CPZ: variants seen among roughly 807,000 people sequenced by gnomAD.
CPZ encodes the protein carboxypeptidase Z.
CPZ carries 103 observed loss-of-function variants against 61.8 expected under a neutral mutation model. That is an observed-to-expected ratio of 1.67 (90% CI 1.42 to 1.96). The LOEUF (loss-of-function observed/expected upper bound fraction) is 1.96. Ranked by LOEUF, CPZ falls within the 30% of genes most tolerant of loss-of-function variation. CPZ has a pLI of 0.00. For synonymous variants in CPZ, 551 were observed against 373.7 expected (o/e 1.47, Z -5.47); for missense variants, 1,461 against 914.9 (o/e 1.60, Z -7.70).
At chr4:8,608,815 C>G (rs911969726) in intron 7 of CPZ, among the ~76,000 whole-genome samples, 1 of 152,152 alleles carries the variant, frequency 6.6e-6, no homozygotes, top group Non-Finnish European at 1.5e-5. Context: ...GCACAGGCCA[C>G]CTGGTGCAGA....
chr4:8,606,675 T>G (rs948170704), intron 5 of CPZ, 62 bp from the exon 6 acceptor site: 19 of 1,601,092 alleles, frequency 1.2e-5, no homozygotes, highest in African/African-American at 1.3e-5. Context: ...GTGAGACCCA[T>G]CTGGAAGGAG....
intron 6 of CPZ, 93 bp from the exon 7 acceptor site, chr4:8,607,174 C>T (rs1715105912): frequency 3.5e-6 from 5 of 1,428,986 alleles, no homozygotes; most frequent in African/African-American, 1.4e-5. Context: ...TAGTCTGCAC[C>T]ATTGGAGCCC....
At chr4:8,616,015 T>C (rs1307637820) in intron 9 of CPZ, among the ~76,000 whole-genome samples, 1 of 152,212 alleles carries the variant, frequency 6.6e-6, no homozygotes, top group African/African-American at 2.4e-5. Flanking sequence ...ATTTTGCGGC[T>C]GTCTGATGAA....
rs774551989 is a variant in CPZ at position 8,607,254 on chromosome 4, C to T, written c.1069-13C>T. The T allele has an allele frequency of 6.2e-7, 1 of 1,613,056 alleles. No individual in the cohort carries two copies. The highest frequency in any genetic ancestry group is 8.5e-7 in the Non-Finnish European group (1 of 1,179,280). Reference sequence around the variant, plus strand: ...AGCCCAGCCCTGAGGGCGGCCTCGTCTGTCCTGGGCAGGTGGCCCCGGAGA... The same window carrying T: ...AGCCCAGCCCTGAGGGCGGCCTCGTTTGTCCTGGGCAGGTGGCCCCGGAGA... On this transcript the variant is annotated splice_polypyrimidine_tract_variant and intron_variant, in intron 6 of 10. Coordinates refer to ENST00000360986, the MANE Select transcript of CPZ (RefSeq NM_001014447.3).
chr4:8,619,492 G>T lies in CPZ; in HGVS notation c.1834G>T (p.Glu612Ter), dbSNP rs773113975. The T allele has an allele frequency of 7.5e-6, 12 of 1,607,522 alleles. No individual in the cohort carries two copies. The highest frequency in any genetic ancestry group is 1.3e-5 in the African/African-American group (1 of 74,774). The change falls in exon 11 of 11, where the codon GAG becomes TAG. Residue 612 changes from glutamate to a stop codon, truncating the protein, a stop_gained. Transcript: ENST00000360986. LOFTEE classifies it low-confidence loss of function (END_TRUNC). ...ACTGGGAGGTGCCAGCTCTTTGGGG[G>T]AGGCCACGGAGCCCGACCCGCTCCG... is the stretch of plus-strand genomic sequence containing the variant. ...DPLGGASSLGEATEPDPLRAR... is the reference protein window; with the variant it reads ...DPLGGASSLG
intron 9 of CPZ, among the ~76,000 whole-genome samples, chr4:8,616,524 G>A (rs928611498): frequency 6.6e-6 from 1 of 152,204 alleles, no homozygotes; most frequent in Non-Finnish European, 1.5e-5. Context: ...TGGGGCCCTG[G>A]GGTAGGCCCC....
At chr4:8,593,888 T>C (rs1334741473) in intron 1 of CPZ, among the ~76,000 whole-genome samples, 1 of 152,196 alleles carries the variant, frequency 6.6e-6, no homozygotes, top group Non-Finnish European at 1.5e-5. Context: ...CCGCTGCGTG[T>C]GTGCTCATGC....
chr4:8,619,178 C>T (rs1237988131), intron 10 of CPZ, 84 bp from the exon 11 acceptor site: 2 of 1,241,174 alleles, frequency 1.6e-6, no homozygotes, highest in East Asian at 5.1e-5. Flanking sequence ...ATGCTAACCT[C>T]TCCCCACTCA....
intron 6 of CPZ, among the ~76,000 whole-genome samples, 172 bp from the exon 7 acceptor site, chr4:8,607,095 C>T (rs1338867061): frequency 1.3e-5 from 2 of 152,188 alleles, no homozygotes; most frequent in Non-Finnish European, 2.9e-5. Flanking sequence ...GTTGGAAACG[C>T]CTAGATCCCC....
rs1253776954 is a variant in CPZ at position 8,612,174 on chromosome 4, G to C, written c.1363+12G>C. ...CAGCTTCACGGGAGGTGCGGCTTCC[G>C]CAGGGCGGGACTGGGCGGGGGGTGG... On this transcript the variant is annotated intron_variant, in intron 8 of 10. Transcript: ENST00000360986. The C allele has an allele frequency of 7.7e-7, 1 of 1,292,646 alleles. No individual in the cohort carries two copies. The highest frequency in any genetic ancestry group is 1.0e-6 in the Non-Finnish European group (1 of 977,132). The allele number at this position is 1,292,646 out of a possible 1,614,324, so 80.1% of individuals were successfully genotyped here. A position where few individuals can be genotyped will look rare whatever the true frequency, so the allele number is the denominator to read the frequency against.
chr4:8,609,241 T>TTCATTG (rs1560298293), intron 7 of CPZ, among the ~76,000 whole-genome samples: 7 of 48,018 alleles, frequency 1.5e-4, no homozygotes, highest in Non-Finnish European at 2.0e-4. Flanking sequence ...TTGTCACTCA[T>TTCATTG]TCACTCATCA....
intron 8 of CPZ, among the ~76,000 whole-genome samples, chr4:8,613,031 T>G (rs1171759005): frequency 6.6e-6 from 1 of 152,084 alleles, no homozygotes; most frequent in Non-Finnish European, 1.5e-5. Flanking sequence ...CTCTCTCCCT[T>G]CCAGAACCCA....
chr4:8,594,080 C>T (rs2109308245), intron 1 of CPZ, among the ~76,000 whole-genome samples: 1 of 152,362 alleles, frequency 6.6e-6, no homozygotes, highest in South Asian at 2.1e-4. Context: ...CCTCTGCACG[C>T]AGGCAGCACA....
rs766742485 is a variant in CPZ, at chr4:8,606,042, C to T, written c.763C>T (p.Arg255Trp). 5.8e-5 allele frequency: 93 copies of T among 1,614,016 alleles called. No homozygotes were observed. In the East Asian group the frequency reaches 7.4e-4, roughly 13 times the overall value. The change falls in exon 5 of 11, where the codon CGG becomes TGG. Residue 255 changes from arginine to tryptophan, a missense_variant. Arg to Trp is a moderately radical substitution (Grantham distance 101). Coordinates refer to ENST00000360986, the MANE Select transcript of CPZ (RefSeq NM_001014447.3). ...CATTCATGGCAACGAGGTGGCGGGC[C>T]GGGAGATGCTCATCTACCTAGCCCA... The part of the protein sequence containing the change: ...GNIHGNEVAG[R>W]EMLIYLAQYL...
chr4:8,619,482 C>T lies in CPZ; in HGVS notation c.1824C>T (p.Ser608=). 1 of 1,609,262 alleles carries T rather than the reference C, an allele frequency of 6.2e-7. No individual in the cohort carries two copies. The highest frequency in any genetic ancestry group is 8.5e-7 in the Non-Finnish European group (1 of 1,176,840). ...CCCACGACCCACTGGGAGGTGCCAGCTCTTTGGGGGAGGCCACGGAGCCCG... is the reference window on the plus strand; with the variant it reads ...CCCACGACCCACTGGGAGGTGCCAGTTCTTTGGGGGAGGCCACGGAGCCCG... The part of the protein sequence containing the change: ...TGPHDPLGGA[S]SLGEATEPDP... The change falls in exon 11 of 11, where the codon AGC becomes AGT. Residue 608 remains serine, a synonymous_variant. Transcript: ENST00000360986.
intron 1 of CPZ, among the ~76,000 whole-genome samples, chr4:8,598,184 C>T (rs190609238): frequency 9.6e-4 from 146 of 152,348 alleles, no homozygotes; most frequent in African/African-American, 3.4e-3. Context: ...GTGCCCTAAA[C>T]GTCCCCATCC....
chr4:8,619,248 C>T lies in CPZ; in HGVS notation c.1604-14C>T. On this transcript the variant is annotated splice_polypyrimidine_tract_variant and intron_variant, in intron 10 of 10. Coordinates refer to ENST00000360986, the MANE Select transcript of CPZ (RefSeq NM_001014447.3). ...AGTCCTCGTGAGAATCATTTTTAAT[C>T]TATTTGTCCACAGCCCCAGATGGTG... 6.3e-7 allele frequency: 1 copy of T among 1,591,246 alleles called. No individual in the cohort carries two copies. Among genetic ancestry groups the T allele is most frequent in the Non-Finnish European group, 8.6e-7 (1 of 1,168,988 alleles).
intron 7 of CPZ, among the ~76,000 whole-genome samples, chr4:8,609,242 TCACTC>T (rs1560298300): frequency 9.0e-5 from 5 of 55,680 alleles, no homozygotes; most frequent in East Asian, 6.3e-4. Context: ...TGTCACTCAT[TCACTC>T]ATCACTCACT....
chr4:8,604,917 G>C (rs1714822015), intron 4 of CPZ, among the ~76,000 whole-genome samples: 1 of 152,238 alleles, frequency 6.6e-6, no homozygotes. Flanking sequence ...TGAGCCCAAA[G>C]GCTCTATCTC....
Sources: allele counts gnomAD v4.1 joint callset (sites outside exome capture counted in the v4.1 genomes callset), GRCh38; gene constraint gnomAD v4.1.1; transcripts MANE v1.5; gene names NCBI Gene and HGNC (gene_info 2026-07-23, HGNC 2026-07-21).